The following MTA3 variants were observed in gnomAD, a reference collection of about 807,000 sequenced individuals.
MTA3 encodes metastasis associated 1 family member 3.
In MTA3, 34 loss-of-function variants were observed where a neutral mutation model predicts 83.5. The ratio of observed to expected loss-of-function variants is 0.41; its 90% confidence interval spans 0.31 to 0.54. The LOEUF is 0.54. MTA3 is among the 20% of genes least tolerant of loss of function. The probability of loss-of-function intolerance (pLI) is 0.33; values close to 1 mark genes in which losing one functional copy is unlikely to be tolerated. For synonymous variants in MTA3, 303 were observed against 252.7 expected (o/e 1.20, Z -1.89); for missense variants, 761 against 726.4 (o/e 1.05, Z -0.55).
chr2:42,551,614 A>G (rs1423861455), intron 2 of MTA3, among the ~76,000 whole-genome samples: 1 of 152,188 alleles, frequency 6.6e-6, no homozygotes, highest in Non-Finnish European at 1.5e-5. Context: ...TGTAAGTACA[A>G]TATATGGTAT....
chr2:42,598,458 C>T (rs1166897040), intron 3 of MTA3, among the ~76,000 whole-genome samples: 1 of 152,144 alleles, frequency 6.6e-6, no homozygotes, highest in Non-Finnish European at 1.5e-5. Context: ...CATTCCAAAT[C>T]ACGGAATTTT....
At chr2:42,701,422 CAAAAA>C (rs139663615) in intron 11 of MTA3, among the ~76,000 whole-genome samples, 1 of 117,028 alleles carries the variant, frequency 8.5e-6, no homozygotes. Context: ...CTGTATCTAT[CAAAAA>C]AAAAAAAAAA....
chr2:42,588,841 G>A (rs1680644067), intron 3 of MTA3, among the ~76,000 whole-genome samples: 1 of 151,902 alleles, frequency 6.6e-6, no homozygotes, highest in African/African-American at 2.4e-5. Context: ...TTTTCAACAG[G>A]TTTATATACA....
intron 4 of MTA3, among the ~76,000 whole-genome samples, chr2:42,638,703 TA>T (rs1356761042): frequency 2.8e-5 from 2 of 71,298 alleles, no homozygotes; most frequent in Non-Finnish European, 5.3e-5. Context: ...AAAGTGATGT[TA>T]ATTTTTTTTT....
intron 8 of MTA3, among the ~76,000 whole-genome samples, chr2:42,666,982 T>A (rs1690284109): frequency 6.6e-6 from 1 of 152,208 alleles, no homozygotes; most frequent in Non-Finnish European, 1.5e-5. Flanking sequence ...TGTATTTGAA[T>A]TCTAATTTTA....
intron 14 of MTA3, among the ~76,000 whole-genome samples, chr2:42,709,943 C>T (rs1288978371): frequency 6.6e-6 from 1 of 152,086 alleles, no homozygotes; most frequent in African/African-American, 2.4e-5. Context: ...TTTGTCATTA[C>T]CATGTCTCTG....
chr2:42,647,155 TAA>T (rs1553373420), intron 6 of MTA3, among the ~76,000 whole-genome samples: 1 of 92,072 alleles, frequency 1.1e-5, no homozygotes, highest in Non-Finnish European at 2.0e-5. Context: ...AGACTCTGTC[TAA>T]AAAAAAAAAA....
chr2:42,500,425 G>A (rs1235025572), intron 2 of MTA3, among the ~76,000 whole-genome samples: 1 of 151,980 alleles, frequency 6.6e-6, no homozygotes. Context: ...GGGTGTGGTG[G>A]CACGTGCCTG....
chr2:42,756,830 G>A lies in MTA3; in HGVS notation c.*3431G>A. 8.1e-6 allele frequency: 8 copies of A among 985,426 alleles called. No homozygotes were observed. The highest frequency in any genetic ancestry group is 9.6e-6 in the Non-Finnish European group (8 of 829,952). The allele number at this position is 985,426 out of a possible 1,614,324, so 61.0% of individuals were successfully genotyped here. On this transcript the variant is annotated 3_prime_UTR_variant, in exon 17 of 17. Transcript: ENST00000405094. ...AGAGCACGCACCTGTGCTCATGAGT[G>A]TTTCCGCAGGATAATTCGTTCTGAG...
At chr2:42,573,543 C>G (rs942995542) in intron 2 of MTA3, among the ~76,000 whole-genome samples, 3 of 152,108 alleles carry the variant, frequency 2.0e-5, no homozygotes, top group African/African-American at 7.2e-5. Flanking sequence ...TGGATTCTTG[C>G]TCTGTTGCCC....
intron 2 of MTA3, among the ~76,000 whole-genome samples, chr2:42,538,772 T>TAG (rs1298660757): frequency 7.2e-6 from 1 of 138,106 alleles, no homozygotes; most frequent in Admixed American, 7.4e-5. Context: ...TTTTTGTTTT[T>TAG]TTTTGTTTTT....
chr2:42,581,349 G>T lies in MTA3; in HGVS notation c.190+2149G>T, dbSNP rs181000210. Among the ~76,000 whole-genome samples the T allele has an allele frequency of 2.9e-4, 43 of 147,190 alleles. No homozygotes were observed. The East Asian group carries it at 8.5e-3, about 29-fold the overall frequency. On this transcript the variant is annotated intron_variant, in intron 3 of 16. Transcript: ENST00000405094. ...TTACAGGTGTGAGTCACCATGCCTG[G>T]TCCCAAATTGCTTTTTTTTTTTTTT...
intron 8 of MTA3, among the ~76,000 whole-genome samples, chr2:42,676,169 A>G (rs1393706925): frequency 1.3e-5 from 2 of 152,240 alleles, no homozygotes; most frequent in Non-Finnish European, 2.9e-5. Context: ...CTGAAAGCAA[A>G]TGGTTCCTTC....
At chr2:42,688,381 A>G (rs548633042) in intron 9 of MTA3, among the ~76,000 whole-genome samples, 1 of 152,292 alleles carries the variant, frequency 6.6e-6, no homozygotes, top group Non-Finnish European at 1.5e-5. Flanking sequence ...ACTGCACCTG[A>G]CACATTATTG....
At chr2:42,649,858 G>C in intron 6 of MTA3, among the ~76,000 whole-genome samples, 1 of 152,194 alleles carries the variant, frequency 6.6e-6, no homozygotes, top group Non-Finnish European at 1.5e-5. Flanking sequence ...GGGACCTACA[G>C]CTCAGTGGAA....
intron 9 of MTA3, among the ~76,000 whole-genome samples, chr2:42,692,449 G>T (rs537337469): frequency 1.4e-5 from 2 of 145,236 alleles, no homozygotes; most frequent in Admixed American, 1.4e-4. Context: ...TTTTGAGACA[G>T]AGTCTTGTTC....
intron 3 of MTA3, 118 bp from the exon 4 acceptor site, chr2:42,609,340 A>C (rs115330717): frequency 0.032 from 37,164 of 1,166,054 alleles, 746 homozygotes; most frequent in Middle Eastern, 0.038. Flanking sequence ...CAAATGTTTA[A>C]ATTTAAAATT....
intron 16 of MTA3, among the ~76,000 whole-genome samples, chr2:42,727,282 A>G (rs1277915053): frequency 6.6e-6 from 1 of 152,214 alleles, no homozygotes; most frequent in Non-Finnish European, 1.5e-5. Context: ...GATAAAAAGA[A>G]TAAAGGTTCA....
At chr2:42,685,424 A>G (rs1692283175) in intron 9 of MTA3, among the ~76,000 whole-genome samples, 1 of 152,216 alleles carries the variant, frequency 6.6e-6, no homozygotes, top group Non-Finnish European at 1.5e-5. Context: ...AGAATGGGCC[A>G]GCTAAGGATA....
Sources: allele counts gnomAD v4.1 joint callset (sites outside exome capture counted in the v4.1 genomes callset), GRCh38; gene constraint gnomAD v4.1.1; transcripts MANE v1.5; gene names NCBI Gene and HGNC (gene_info 2026-07-23, HGNC 2026-07-21).